Variants in PDE10A observed in about 807,000 individuals in gnomAD.
The protein encoded by PDE10A is cAMP and cAMP-inhibited cGMP 3',5'-cyclic phosphodiesterase 10A.
Under a neutral mutation model 97.7 loss-of-function variants are expected in PDE10A, and 39 were observed. The observed-to-expected ratio is 0.40, with a 90% CI of 0.31 to 0.52. PDE10A has a LOEUF of 0.52. Among genes scored for constraint, PDE10A ranks in the 20% least tolerant of loss-of-function variants. PDE10A has a pLI of 0.56. For synonymous variants in PDE10A, 371 were observed against 376.8 expected, an observed-to-expected ratio of 0.98 and a Z score of 0.18; for missense variants, 731 against 1,047.8, an observed-to-expected ratio of 0.70 and a Z score of 4.17.
intron 13 of PDE10A, among the ~76,000 whole-genome samples, chr6:165,406,630 C>T (rs2128223465): frequency 6.6e-6 from 1 of 152,160 alleles, no homozygotes; most frequent in East Asian, 1.9e-4. Context: ...TTCTAAGTGT[C>T]AACTTGACTG....
At chr6:165,356,157 A>AC (rs1394131923) in intron 18 of PDE10A, among the ~76,000 whole-genome samples, 1 of 152,126 alleles carries the variant, frequency 6.6e-6, no homozygotes, top group Non-Finnish European at 1.5e-5. Flanking sequence ...TGACTCAATC[A>AC]CCGCTCACCA....
chr6:165,369,526 G>GA (rs1305078543), intron 18 of PDE10A, among the ~76,000 whole-genome samples: 1 of 144,664 alleles, frequency 6.9e-6, no homozygotes, highest in Non-Finnish European at 1.5e-5. Flanking sequence ...GAAGTTTAGA[G>GA]AAAAAAGAAT....
chr6:165,654,942 T>C (rs1415119193), intron 1 of PDE10A, among the ~76,000 whole-genome samples: 1 of 152,342 alleles, frequency 6.6e-6, no homozygotes, highest in East Asian at 1.9e-4. Flanking sequence ...TGCCTTCTTC[T>C]GTCCTATCCT....
rs555417956 is a variant in PDE10A at position 165,846,146 on chromosome 6, A to G, written c.-615+141383T>C. Among the ~76,000 whole-genome samples, 9 of 152,372 alleles carry G rather than the reference A, an allele frequency of 5.9e-5. No individual in the cohort carries two copies. The East Asian group carries it at 1.7e-3, about 29-fold the overall frequency. On this transcript the variant is annotated intron_variant, in intron 1 of 19. Transcript: ENST00000366882. The stretch of plus-strand genomic sequence containing the variant: ...CGGACTCTTCGTGCCTTGCAGGTCA[A>G]GAGCTGTTAATGCCCCCATGCAGAT...
chr6:165,416,882 TAATC>T (rs1318727213), intron 11 of PDE10A, among the ~76,000 whole-genome samples: 1 of 152,262 alleles, frequency 6.6e-6, no homozygotes, highest in East Asian at 1.9e-4. Flanking sequence ...AATTTTAAAA[TAATC>T]AAAATACAAG....
intron 5 of PDE10A, among the ~76,000 whole-genome samples, chr6:165,440,427 G>C (rs1162126109): frequency 1.3e-5 from 2 of 152,186 alleles, no homozygotes; most frequent in Non-Finnish European, 2.9e-5. Context: ...TTCCCAGTAT[G>C]TGGGTAATAA....
chr6:165,903,614 A>G (rs1782175358), intron 1 of PDE10A, among the ~76,000 whole-genome samples: 1 of 152,200 alleles, frequency 6.6e-6, no homozygotes, highest in African/African-American at 2.4e-5. Flanking sequence ...AAACTGTTGT[A>G]TAACAGGCCG....
intron 1 of PDE10A, among the ~76,000 whole-genome samples, chr6:165,591,847 A>G (rs1719709212): frequency 1.3e-5 from 2 of 152,202 alleles, no homozygotes; most frequent in Admixed American, 1.3e-4. Flanking sequence ...TCATTCATCA[A>G]TGCTTTTTAT....
intron 1 of PDE10A, among the ~76,000 whole-genome samples, chr6:165,895,774 G>A (rs1312831176): frequency 6.6e-6 from 1 of 152,106 alleles, no homozygotes; most frequent in African/African-American, 2.4e-5. Flanking sequence ...CTAGAATGTT[G>A]CCTGTGAGGG....
chr6:165,786,477 A>C (rs1778497192), intron 1 of PDE10A, among the ~76,000 whole-genome samples: 2 of 152,244 alleles, frequency 1.3e-5, no homozygotes, highest in African/African-American at 2.4e-5. Flanking sequence ...ATTTAAATGT[A>C]CCTGTGAGGG....
chr6:165,988,025 T>G, upstream of PDE10A: 1 of 434,046 alleles, frequency 2.3e-6, no homozygotes, highest in South Asian at 1.7e-5. Flanking sequence ...TGGGGGTGCT[T>G]GTGCTCTCAG....
At chr6:165,590,719 G>A (rs1487638573) in intron 1 of PDE10A, among the ~76,000 whole-genome samples, 4 of 151,966 alleles carry the variant, frequency 2.6e-5, no homozygotes, top group African/African-American at 4.8e-5. Flanking sequence ...GTGAAACCCC[G>A]TCTCTACTAA....
At chr6:165,516,528 C>A (rs1043692884) in intron 2 of PDE10A, among the ~76,000 whole-genome samples, 2 of 152,106 alleles carry the variant, frequency 1.3e-5, no homozygotes, top group South Asian at 4.1e-4. Context: ...TATTTGATAG[C>A]GGTATTTGCC....
At chr6:165,567,924 A>C (rs1366981061) in intron 1 of PDE10A, among the ~76,000 whole-genome samples, 1 of 150,094 alleles carries the variant, frequency 6.7e-6, no homozygotes, top group Non-Finnish European at 1.5e-5. Context: ...GGAAGCCAAT[A>C]GTCTCTACTT....
chr6:165,849,036 C>A (rs548535621), intron 1 of PDE10A, among the ~76,000 whole-genome samples: 1 of 152,194 alleles, frequency 6.6e-6, no homozygotes, highest in Non-Finnish European at 1.5e-5. Flanking sequence ...AATACCACCG[C>A]CTTTATCCAG....
rs1357126352 is a variant in PDE10A at position 165,357,592 on chromosome 6, A to G, written c.2784-14090T>C. Reference sequence around the variant, plus strand: ...ATTCAGAGTTCTTTTTGGTTCAAGTATAGTAAGCTGGATTTCTCAAAAAAT... The same window carrying G: ...ATTCAGAGTTCTTTTTGGTTCAAGTGTAGTAAGCTGGATTTCTCAAAAAAT... On this transcript the variant is annotated intron_variant, in intron 18 of 21. Transcript: ENST00000539869. 2.0e-5 allele frequency among the ~76,000 whole-genome samples: 3 copies of G among 152,076 alleles called. No homozygotes were observed. The East Asian group carries it at 5.8e-4, about 29-fold the overall frequency.
intron 1 of PDE10A, among the ~76,000 whole-genome samples, chr6:165,923,639 C>A (rs531129581): frequency 2.0e-5 from 3 of 152,320 alleles, no homozygotes; most frequent in African/African-American, 7.2e-5. Context: ...GCCTTCTTAA[C>A]AAGAGGACCC....
chr6:165,772,925 A>G (rs1022338633), intron 1 of PDE10A, among the ~76,000 whole-genome samples: 1 of 152,254 alleles, frequency 6.6e-6, no homozygotes, highest in East Asian at 1.9e-4. Flanking sequence ...ATCAGTTACC[A>G]GTGAGTGTTT....
In PDE10A at chr6:165,392,801, A is replaced by G; in HGVS notation, c.2304-5T>C. 1 of 1,613,664 alleles carries G rather than the reference A, an allele frequency of 6.2e-7. No homozygotes were observed. Among genetic ancestry groups the G allele is most frequent in the Non-Finnish European group, 8.5e-7 (1 of 1,179,714 alleles). On this transcript the variant is annotated splice_region_variant and splice_polypyrimidine_tract_variant and intron_variant, in intron 15 of 21. Transcript: ENST00000539869. Reference sequence around the variant, plus strand: ...CACAACTTTTCAAGCTCAAAGCTGCATGGAAAAGAAATTGTTATGACTGAA... The same window carrying G: ...CACAACTTTTCAAGCTCAAAGCTGCGTGGAAAAGAAATTGTTATGACTGAA...
Sources: gnomAD v4.1 joint callset for allele counts (sites outside exome capture counted in the v4.1 genomes callset) on GRCh38, gnomAD v4.1.1 for gene constraint, MANE v1.5 for transcripts, NCBI Gene and HGNC (gene_info 2026-07-23, HGNC 2026-07-21) for gene names.